The following NRXN3 variants were observed in gnomAD, a reference collection of about 807,000 sequenced individuals.
NRXN3 encodes neurexin 3, also known as neurexin III.
Under a neutral mutation model 137.6 loss-of-function variants are expected in NRXN3, and 32 were observed. The observed-to-expected ratio is 0.23, with a 90% CI of 0.18 to 0.31. The LOEUF is 0.31. Among genes scored for constraint, NRXN3 ranks in the 10% least tolerant of loss-of-function variants. The pLI, the probability that NRXN3 is intolerant of heterozygous loss-of-function variation, is 1.00. For synonymous variants in NRXN3, 798 were observed against 784.5 expected (o/e 1.02, Z -0.29); for missense variants, 1,574 against 2,062.5 (o/e 0.76, Z 4.59).
At chr14:78,735,620 C>T (rs567206253) in intron 8 of NRXN3, among the ~76,000 whole-genome samples, 47 of 152,080 alleles carry the variant, frequency 3.1e-4, no homozygotes, top group African/African-American at 1.1e-3. Flanking sequence ...TCACCATGAC[C>T]TAAAAGATGA....
intron 19 of NRXN3, among the ~76,000 whole-genome samples, chr14:79,777,483 A>AG (rs1407755878): frequency 2.0e-5 from 3 of 152,012 alleles, no homozygotes; most frequent in Non-Finnish European, 4.4e-5. Context: ...TTCTAAAAAA[A>AG]AAAAAAGGTT....
intron 15 of NRXN3, among the ~76,000 whole-genome samples, chr14:79,211,482 A>C (rs556278523): frequency 1.3e-5 from 2 of 152,136 alleles, no homozygotes; most frequent in African/African-American, 4.8e-5. Flanking sequence ...TGTCCACCTT[A>C]TGTAAGTGAA....
chr14:78,187,781 GTTT>G (rs58649555), intron 1 of NRXN3, among the ~76,000 whole-genome samples: 1 of 133,728 alleles, frequency 7.5e-6, no homozygotes. Context: ...GATTTTAGTT[GTTT>G]TTTTTTTTTT....
At chr14:79,596,729 T>A (rs1209564439) in intron 16 of NRXN3, among the ~76,000 whole-genome samples, 1 of 152,114 alleles carries the variant, frequency 6.6e-6, no homozygotes, top group East Asian at 1.9e-4. Context: ...GGCTGACCTG[T>A]CTCTGGTCGG....
intron 1 of NRXN3, among the ~76,000 whole-genome samples, chr14:78,175,351 T>C (rs1165773498): frequency 1.3e-5 from 2 of 152,098 alleles, no homozygotes; most frequent in Non-Finnish European, 1.5e-5. Context: ...GGTAAATTAT[T>C]GTGCCCAATG....
chr14:79,663,920 A>C lies in NRXN3; in HGVS notation c.3587A>C (p.Asn1196Thr). The change falls in exon 17 of 21, where the codon AAC becomes ACC. Residue 1196 changes from asparagine (N) to threonine (T), a missense_variant. Physicochemically the swap from Asn to Thr is moderately conservative, Grantham distance 65. Transcript: ENST00000335750. ...NGGNATLQVDNWPVNEHYPTG... is the reference protein window; with the variant it reads ...NGGNATLQVDTWPVNEHYPTG... Reference sequence around the variant, plus strand: ...GGCAACGCCACCCTGCAGGTGGACAACTGGCCAGTGAATGAACATTATCCT... The same window carrying C: ...GGCAACGCCACCCTGCAGGTGGACACCTGGCCAGTGAATGAACATTATCCT... 1 of 1,613,482 alleles carries C rather than the reference A, an allele frequency of 6.2e-7. No individual in the cohort carries two copies. Among genetic ancestry groups the C allele is most frequent in the South Asian group, 1.1e-5 (1 of 91,078 alleles).
intron 15 of NRXN3, among the ~76,000 whole-genome samples, chr14:79,023,619 A>T (rs2099593426): frequency 6.6e-6 from 1 of 152,116 alleles, no homozygotes; most frequent in South Asian, 2.1e-4. Context: ...CATTGCTGGG[A>T]AAGCCTCAGG....
intron 16 of NRXN3, among the ~76,000 whole-genome samples, chr14:79,491,386 A>G (rs1350999378): frequency 6.6e-6 from 1 of 152,182 alleles, no homozygotes; most frequent in African/African-American, 2.4e-5. Flanking sequence ...GAAAAGTGAT[A>G]AGATGAAACC....
chr14:78,812,128 A>G (rs2098915869), intron 10 of NRXN3, among the ~76,000 whole-genome samples: 1 of 152,210 alleles, frequency 6.6e-6, no homozygotes, highest in African/African-American at 2.4e-5. Flanking sequence ...CCACAATCAC[A>G]TTTTAGAACA....
chr14:78,735,965 A>G (rs1303023007), intron 8 of NRXN3, among the ~76,000 whole-genome samples: 2 of 152,124 alleles, frequency 1.3e-5, no homozygotes, highest in African/African-American at 4.8e-5. Context: ...TCTGGGAATG[A>G]TTCCTCCTTT....
intron 4 of NRXN3, among the ~76,000 whole-genome samples, chr14:78,304,263 A>T (rs1489653656): frequency 6.6e-6 from 1 of 152,174 alleles, no homozygotes; most frequent in Non-Finnish European, 1.5e-5. Context: ...ATTACACCAG[A>T]ATAAACGTGG....
At chr14:78,650,350 G>A (rs1481279402) in intron 5 of NRXN3, among the ~76,000 whole-genome samples, 4 of 152,154 alleles carry the variant, frequency 2.6e-5, no homozygotes, top group Middle Eastern at 3.4e-3. Flanking sequence ...AGGCCCCATC[G>A]TTTCTCTCTG....
In NRXN3 at chr14:79,862,881, C is replaced by T. The variant is rs1037810100; in HGVS notation, c.*917C>T. 1 of 152,354 alleles carries T rather than the reference C, an allele frequency of 6.6e-6. No homozygotes were observed. Among genetic ancestry groups the T allele is most frequent in the Non-Finnish European group, 1.5e-5 (1 of 68,024 alleles). 9.4% of individuals were successfully genotyped at this position (152,354 alleles called of 1,614,324 possible). On this transcript the variant is annotated 3_prime_UTR_variant, in exon 21 of 21. Coordinates refer to ENST00000335750, the MANE Select transcript of NRXN3 (RefSeq NM_001330195.2). ...GGTGTTATCAGAGCTATTGGCTTTA[C>T]GTAACAATATTGTTCCTGTCCATTC...
intron 15 of NRXN3, among the ~76,000 whole-genome samples, chr14:79,356,870 A>G (rs555497110): frequency 6.6e-6 from 1 of 152,232 alleles, no homozygotes; most frequent in East Asian, 1.9e-4. Context: ...CTGAGACTAC[A>G]GGTGGGTGCC....
intron 10 of NRXN3, among the ~76,000 whole-genome samples, chr14:78,940,674 T>C (rs1429021373): frequency 1.3e-5 from 2 of 152,242 alleles, no homozygotes; most frequent in South Asian, 4.1e-4. Flanking sequence ...ATTTTTATAA[T>C]TGTCATTTAC....
In NRXN3 at chr14:79,280,748, T is replaced by C. The variant is rs1432264640; in HGVS notation, c.3263-186473T>C. 1.4e-5 allele frequency: 8 copies of C among 571,864 alleles called. No homozygotes were observed. The Admixed American group carries it at 2.5e-4, about 18-fold the overall frequency. 35.4% of individuals were successfully genotyped at this position (571,864 alleles called of 1,614,324 possible). A position where few individuals can be genotyped will look rare whatever the true frequency, so the allele number is the denominator to read the frequency against. On this transcript the variant is annotated intron_variant, in intron 15 of 20. Transcript: ENST00000335750. ...CTAGCCTCCGACAACCATCTCCACT[T>C]TTCTCTAAAGGGTTCTTTTCCCCTT...
chr14:78,644,591 G>A (rs2097668165), intron 4 of NRXN3, among the ~76,000 whole-genome samples: 1 of 152,098 alleles, frequency 6.6e-6, no homozygotes, highest in Non-Finnish European at 1.5e-5. Flanking sequence ...TGTTCCAGGG[G>A]GCTTAGGACT....
chr14:79,219,390 A>G (rs917838346), intron 15 of NRXN3, among the ~76,000 whole-genome samples: 11 of 152,166 alleles, frequency 7.2e-5, no homozygotes, highest in Admixed American at 5.2e-4. Flanking sequence ...TTGGCCTCCC[A>G]AAGTGTTGGG....
At chr14:79,538,997 C>G (rs2097244225) in intron 16 of NRXN3, among the ~76,000 whole-genome samples, 1 of 152,186 alleles carries the variant, frequency 6.6e-6, no homozygotes. Context: ...ATCTGAGACA[C>G]TGAGAGATTA....
Sources: allele counts gnomAD v4.1 joint callset (sites outside exome capture counted in the v4.1 genomes callset), GRCh38; gene constraint gnomAD v4.1.1; transcripts MANE v1.5; gene names NCBI Gene and HGNC (gene_info 2026-07-23, HGNC 2026-07-21).